Variants in GALNT13 observed in about 807,000 individuals in gnomAD.
GALNT13 encodes UDP-GalNAc:polypeptide N-acetylgalactosaminyltransferase 13.
A neutral mutation model predicts 64.2 loss-of-function variants in GALNT13; 28 were observed. The observed-to-expected ratio is 0.44, with a 90% confidence interval of 0.32 to 0.60. The LOEUF (loss-of-function observed/expected upper bound fraction) is 0.60, where lower values mean the gene tolerates loss of function less well. Among genes scored for constraint, GALNT13 ranks in the 20% least tolerant of loss-of-function variants. GALNT13 has a pLI of 0.05. For missense variants in GALNT13, 577 were observed against 669.8 expected (o/e 0.86, Z 1.53); for synonymous variants, 214 against 224.6 (o/e 0.95, Z 0.42).
At chr2:154,200,072 G>T (rs1027078390) in intron 4 of GALNT13, among the ~76,000 whole-genome samples, 10 of 152,022 alleles carry the variant, frequency 6.6e-5, no homozygotes, top group African/African-American at 2.2e-4. Flanking sequence ...GAGGGATGGG[G>T]GGATTAATTC....
chr2:153,700,104 G>A, the GALNT13 span, among the ~76,000 whole-genome samples: 4 of 151,960 alleles, frequency 2.6e-5, no homozygotes, highest in East Asian at 3.9e-4. Flanking sequence ...AATAAAATAC[G>A]GGCAAACTGA....
chr2:154,401,048 C>T (rs1478851452), intron 10 of GALNT13, among the ~76,000 whole-genome samples: 1 of 152,110 alleles, frequency 6.6e-6, no homozygotes, highest in Non-Finnish European at 1.5e-5. Flanking sequence ...TTGCATGTTG[C>T]TTTGAAGATG....
chr2:154,370,396 G>A (rs1697616556), intron 9 of GALNT13, among the ~76,000 whole-genome samples: 1 of 152,114 alleles, frequency 6.6e-6, no homozygotes, highest in African/African-American at 2.4e-5. Context: ...GCATAAACAG[G>A]AAAACTAGTT....
rs1038094602 is a variant in GALNT13 at position 154,117,327 on chromosome 2, A to G, written c.143-23010A>G. Among the ~76,000 whole-genome samples, 8 of 152,318 alleles carry G rather than the reference A, an allele frequency of 5.3e-5. No homozygotes were observed. In the South Asian group the frequency reaches 8.3e-4, roughly 16 times the overall value. On this transcript the variant is annotated intron_variant, in intron 3 of 12. Transcript: ENST00000392825. Reference sequence around the variant, plus strand: ...AAGGTGGTATTTGGTTACATGAATAAGTTATTTAGTGGTGATTTGTGAGAT... The same window carrying G: ...AAGGTGGTATTTGGTTACATGAATAGGTTATTTAGTGGTGATTTGTGAGAT...
At chr2:153,274,364 G>C in the GALNT13 span, among the ~76,000 whole-genome samples, 2 of 152,130 alleles carry the variant, frequency 1.3e-5, no homozygotes. Context: ...CCCTTCCTTT[G>C]TCCTTCTTGC....
At chr2:154,234,931 G>T (rs915367922) in intron 4 of GALNT13, among the ~76,000 whole-genome samples, 9 of 152,112 alleles carry the variant, frequency 5.9e-5, no homozygotes, top group African/African-American at 1.9e-4. Flanking sequence ...AAAAGTAAAA[G>T]ATTAAGGCAT....
chr2:153,362,182 T>C, the GALNT13 span, among the ~76,000 whole-genome samples: 1 of 152,146 alleles, frequency 6.6e-6, no homozygotes, highest in Non-Finnish European at 1.5e-5. Context: ...GGGGATTTTG[T>C]CACCACCAGG....
the GALNT13 span, among the ~76,000 whole-genome samples, chr2:153,267,312 AC>A: frequency 1.3e-5 from 2 of 152,168 alleles, no homozygotes; most frequent in African/African-American, 4.8e-5. Context: ...GCTCCACCCC[AC>A]ATTTTCTCTC....
intron 3 of GALNT13, among the ~76,000 whole-genome samples, chr2:153,980,046 C>T (rs563203867): frequency 7.9e-5 from 12 of 152,236 alleles, no homozygotes; most frequent in African/African-American, 2.6e-4. Flanking sequence ...TGTTGAATTA[C>T]AATTGTGATA....
At chr2:154,134,147 A>G (rs1442265114) in intron 3 of GALNT13, among the ~76,000 whole-genome samples, 1 of 152,210 alleles carries the variant, frequency 6.6e-6, no homozygotes, top group Non-Finnish European at 1.5e-5. Flanking sequence ...TTGCATAGCT[A>G]TGTGTCCAAG....
the GALNT13 span, among the ~76,000 whole-genome samples, chr2:153,839,434 C>A: frequency 6.6e-6 from 1 of 151,732 alleles, no homozygotes; most frequent in Non-Finnish European, 1.5e-5. Flanking sequence ...AATATTTCTT[C>A]TATACCTAAT....
At chr2:153,233,754 A>G in the GALNT13 span, among the ~76,000 whole-genome samples, 1 of 152,154 alleles carries the variant, frequency 6.6e-6, no homozygotes, top group Admixed American at 6.5e-5. Flanking sequence ...TTTGAAAGAG[A>G]AGATGGCAGA....
the GALNT13 span, among the ~76,000 whole-genome samples, chr2:153,144,159 G>GA: frequency 1.1e-4 from 17 of 151,886 alleles, no homozygotes; most frequent in Non-Finnish European, 1.5e-4. Context: ...AGGGTCATTG[G>GA]AAAAATCCTT....
chr2:153,612,243 G>A, the GALNT13 span, among the ~76,000 whole-genome samples: 2 of 152,084 alleles, frequency 1.3e-5, no homozygotes, highest in Non-Finnish European at 2.9e-5. Context: ...GTTGATGGGG[G>A]TGTAAATTAG....
chr2:154,420,821 T>C (rs1700216668), intron 11 of GALNT13, among the ~76,000 whole-genome samples: 2 of 152,142 alleles, frequency 1.3e-5, no homozygotes, highest in South Asian at 4.1e-4. Flanking sequence ...ATGTCTGTGA[T>C]TTCTAAATTA....
the GALNT13 span, among the ~76,000 whole-genome samples, chr2:153,595,997 A>G: frequency 1.3e-5 from 2 of 152,180 alleles, no homozygotes; most frequent in Non-Finnish European, 2.9e-5. Flanking sequence ...GCATTTCTTC[A>G]CCCAGGTAAG....
the GALNT13 span, among the ~76,000 whole-genome samples, chr2:153,582,339 T>A: frequency 0.16 from 24,434 of 152,152 alleles, 2,136 homozygotes; most frequent in African/African-American, 0.22. Flanking sequence ...GGATTTTTTT[T>A]TCCATGTAAA....
intron 4 of GALNT13, among the ~76,000 whole-genome samples, chr2:154,225,769 C>T (rs1408643771): frequency 6.6e-6 from 1 of 152,042 alleles, no homozygotes; most frequent in Admixed American, 6.6e-5. Flanking sequence ...TTAGATTCAA[C>T]AAAGTATGAA....
the GALNT13 span, among the ~76,000 whole-genome samples, chr2:153,488,182 G>A: frequency 2.6e-5 from 4 of 152,092 alleles, no homozygotes; most frequent in African/African-American, 4.8e-5. Context: ...CAGTTGTGCT[G>A]GACACCTTAA....
Sources: gnomAD v4.1 joint callset for allele counts (sites outside exome capture counted in the v4.1 genomes callset) on GRCh38, gnomAD v4.1.1 for gene constraint, MANE v1.5 for transcripts, NCBI Gene and HGNC (gene_info 2026-07-23, HGNC 2026-07-21) for gene names.